Variants in TRPC1 observed in about 807,000 individuals in gnomAD.
TRPC1 encodes the protein short transient receptor potential channel 1.
A neutral mutation model predicts 88.2 loss-of-function variants in TRPC1; 42 were observed. The ratio of observed to expected loss-of-function variants is 0.48; its 90% CI spans 0.37 to 0.62. The LOEUF is 0.62. Ranked by LOEUF, TRPC1 falls within the 20% of genes least tolerant of loss-of-function variation. The pLI, the probability that TRPC1 is intolerant of heterozygous loss-of-function variation, is 0.00. For missense variants in TRPC1, 699 were observed against 957.3 expected, an observed-to-expected ratio of 0.73 and a Z score of 3.56; for synonymous variants, 288 against 331.8, an observed-to-expected ratio of 0.87 and a Z score of 1.43.
chr3:142,745,678 C>G (rs1934520898), intron 3 of TRPC1, among the ~76,000 whole-genome samples: 1 of 152,174 alleles, frequency 6.6e-6, no homozygotes, highest in African/African-American at 2.4e-5. Flanking sequence ...ACTTTCTACT[C>G]TGTCTCTAAC....
At chr3:142,793,950 C>G in intron 9 of TRPC1, 1 of 946,362 alleles carries the variant, frequency 1.1e-6, no homozygotes, top group Non-Finnish European at 1.3e-6. Flanking sequence ...CTGTGAGATG[C>G]TCTGAATTAA....
chr3:142,784,584 T>C (rs1302253520), intron 6 of TRPC1, 120 bp from the exon 7 acceptor site: 1 of 798,256 alleles, frequency 1.3e-6, no homozygotes, highest in Non-Finnish European at 1.9e-6. Context: ...CAAAACTATG[T>C]TGAATGTATA....
chr3:142,745,704 A>G (rs1031500623), intron 3 of TRPC1, among the ~76,000 whole-genome samples: 10 of 152,200 alleles, frequency 6.6e-5, no homozygotes, highest in Non-Finnish European at 1.0e-4. Context: ...AAGATTATTC[A>G]GCCTTTATTT....
Position 142,792,943 on chromosome 3 carries a change from C to G in TRPC1, c.1557C>G (p.Thr519=), listed in dbSNP as rs775377633. Residue 519 remains threonine, a synonymous_variant, in exon 9 of 13, where the codon ACC becomes ACG. Coordinates refer to ENST00000476941, the MANE Select transcript of TRPC1 (RefSeq NM_001251845.2). The surrounding 1 kb of genome is among the most constrained non-coding windows in gnomAD (Gnocchi z 4.0). ...SYLRLFFMYT[T]SSILGPLQIS... is the part of the protein sequence containing the mutation. ...TTCGTCTCTTTTTTATGTATACAAC[C>G]AGCTCTATCTTGGGTCCATTACAGG... 2.7e-5 allele frequency: 43 copies of G among 1,604,902 alleles called. No individual in the cohort carries two copies. The highest frequency in any genetic ancestry group is 3.6e-5 in the Non-Finnish European group (42 of 1,175,766).
chr3:142,731,679 C>T (rs1424355592), intron 1 of TRPC1, among the ~76,000 whole-genome samples: 1 of 151,944 alleles, frequency 6.6e-6, no homozygotes, highest in African/African-American at 2.4e-5. Context: ...CCACCGCGCC[C>T]GGCTTGTGTT....
At chr3:142,737,264 G>A (rs1437991294) in intron 2 of TRPC1, among the ~76,000 whole-genome samples, 2 of 149,932 alleles carry the variant, frequency 1.3e-5, no homozygotes, top group African/African-American at 4.9e-5. Flanking sequence ...AGTGACATCA[G>A]GAGACATTCA....
intron 4 of TRPC1, among the ~76,000 whole-genome samples, chr3:142,750,678 A>G (rs569052482): frequency 5.9e-5 from 9 of 152,352 alleles, no homozygotes; most frequent in African/African-American, 2.2e-4. Context: ...ATGCCCACCA[A>G]TGATAGACTG....
chr3:142,729,326 T>C (rs1322868729), intron 1 of TRPC1, among the ~76,000 whole-genome samples: 1 of 152,224 alleles, frequency 6.6e-6, no homozygotes, highest in Non-Finnish European at 1.5e-5. Flanking sequence ...GTTAAGGCAC[T>C]GTGAAAGTGC....
chr3:142,777,590 G>A (rs754190395), intron 4 of TRPC1, 42 bp from the exon 5 acceptor site: 52 of 1,437,128 alleles, frequency 3.6e-5, no homozygotes, highest in South Asian at 1.4e-4. Flanking sequence ...AATTATATGT[G>A]TATAAGTTTA....
At chr3:142,730,910 A>C (rs896173912) in intron 1 of TRPC1, among the ~76,000 whole-genome samples, 4 of 152,190 alleles carry the variant, frequency 2.6e-5, no homozygotes, top group Non-Finnish European at 5.9e-5. Flanking sequence ...AACTAACTTC[A>C]AATTTGGTTA....
rs115249239 is a variant in TRPC1, at chr3:142,802,743, T to C, written c.1757+399T>C. Among the ~76,000 whole-genome samples the C allele has an allele frequency of 5.7e-3, 862 of 152,332 alleles. 12 individuals carry two copies. Among genetic ancestry groups the C allele is most frequent in the African/African-American group, 0.02 (821 of 41,584 alleles). ...AAAAACGCTCACAGCTTCAACACTT[T>C]TTAAGAGGTCATTAGAATTGAGAAT... On this transcript the variant is annotated intron_variant, in intron 10 of 12. Transcript: ENST00000476941.
intron 4 of TRPC1, among the ~76,000 whole-genome samples, chr3:142,755,734 A>G (rs750748348): frequency 2.0e-5 from 3 of 152,232 alleles, no homozygotes; most frequent in Non-Finnish European, 4.4e-5. Context: ...CCAAAACCCC[A>G]GAAAGTTACA....
chr3:142,779,712 T>G (rs1935898170), intron 5 of TRPC1, among the ~76,000 whole-genome samples: 1 of 152,140 alleles, frequency 6.6e-6, no homozygotes. Flanking sequence ...TGGGAAATCT[T>G]CCTGTTTCCC....
intron 4 of TRPC1, among the ~76,000 whole-genome samples, chr3:142,763,985 C>CACACACAT (rs1553803710): frequency 8.4e-5 from 2 of 23,856 alleles, no homozygotes; most frequent in Admixed American, 3.4e-4. Context: ...TATATATATA[C>CACACACAT]ACATACATAC....
At chr3:142,757,347 A>G (rs1020163621) in intron 4 of TRPC1, among the ~76,000 whole-genome samples, 1 of 109,784 alleles carries the variant, frequency 9.1e-6, no homozygotes, top group Non-Finnish European at 1.8e-5. Flanking sequence ...CTATAAAGAC[A>G]CATGCACACA....
chr3:142,766,963 G>T (rs1045435230), intron 4 of TRPC1, among the ~76,000 whole-genome samples: 2 of 152,038 alleles, frequency 1.3e-5, no homozygotes, highest in African/African-American at 4.8e-5. Flanking sequence ...TCCAAATAAA[G>T]TTTGAAATCA....
rs147258076 is a variant in TRPC1 at position 142,731,575 on chromosome 3, G to A, written c.173-4804G>A. ...AATTTTTTGTATTTTTAGTAGAGGC[G>A]GGGTTTCACTGTGTTAGCCAAGATG... is the stretch of plus-strand genomic sequence containing the variant. On this transcript the variant is annotated intron_variant, in intron 1 of 12. Coordinates refer to ENST00000476941, the MANE Select transcript of TRPC1 (RefSeq NM_001251845.2). Among the ~76,000 whole-genome samples, 1,374 of 151,552 alleles carry A rather than the reference G, an allele frequency of 9.1e-3. 23 individuals are homozygous for A. The highest frequency in any genetic ancestry group is 8.7e-3 in the Non-Finnish European group (588 of 67,862).
chr3:142,779,322 TG>T (rs1374185763), intron 5 of TRPC1, among the ~76,000 whole-genome samples: 1 of 152,220 alleles, frequency 6.6e-6, no homozygotes, highest in East Asian at 1.9e-4. Context: ...TCCTTGCTTC[TG>T]GTTTTCTATA....
At chr3:142,799,472 A>C (rs898822925) in intron 9 of TRPC1, among the ~76,000 whole-genome samples, 3 of 152,036 alleles carry the variant, frequency 2.0e-5, no homozygotes, top group Non-Finnish European at 2.9e-5. Flanking sequence ...CCACTGTTCT[A>C]CTTTTACTTC....
Sources: allele counts gnomAD v4.1 joint callset (sites outside exome capture counted in the v4.1 genomes callset), GRCh38; gene constraint gnomAD v4.1.1; non-coding constraint Gnocchi (gnomAD v3.1); transcripts MANE v1.5; gene names NCBI Gene and HGNC (gene_info 2026-07-23, HGNC 2026-07-21).